ZBTB40: variants seen among roughly 807,000 people sequenced by gnomAD.
ZBTB40 encodes the protein zinc finger and BTB domain containing 40, also known as zinc finger and BTB domain-containing protein 40.
Under a neutral mutation model 117.5 loss-of-function variants are expected in ZBTB40, and 60 were observed. The observed-to-expected ratio is 0.51, with a 90% CI of 0.41 to 0.63. ZBTB40 has a LOEUF of 0.63. ZBTB40 is among the 30% of genes least tolerant of loss of function. ZBTB40 has a pLI of 0.00. For synonymous variants in ZBTB40, 525 were observed against 577.1 expected, an observed-to-expected ratio of 0.91 and a Z score of 1.29; for missense variants, 1,287 against 1,498.5, an observed-to-expected ratio of 0.86 and a Z score of 2.33.
chr1:22,443,726 A>G (rs1640758954), intron 1 of ZBTB40, among the ~76,000 whole-genome samples: 1 of 152,216 alleles, frequency 6.6e-6, no homozygotes, highest in South Asian at 2.1e-4. Flanking sequence ...TTGCAAGGCC[A>G]TTTCAAAATA....
chr1:22,444,602 A>G (rs1640768348), intron 1 of ZBTB40, among the ~76,000 whole-genome samples: 1 of 152,122 alleles, frequency 6.6e-6, no homozygotes, highest in Non-Finnish European at 1.5e-5. Context: ...ATGACCTTCT[A>G]GGAACACTTG....
At chr1:22,440,044 T>C (rs1244506353) in intron 1 of ZBTB40, among the ~76,000 whole-genome samples, 4 of 152,224 alleles carry the variant, frequency 2.6e-5, no homozygotes, top group Non-Finnish European at 5.9e-5. Context: ...TTTCACCTCC[T>C]TGGTTAATTC....
chr1:22,518,551 C>G (rs1168485118), intron 13 of ZBTB40, among the ~76,000 whole-genome samples: 2 of 152,170 alleles, frequency 1.3e-5, no homozygotes, highest in Non-Finnish European at 2.9e-5. Flanking sequence ...CCCTCCCCAC[C>G]CCTCTTCCCA....
At position 22,529,648 on chromosome 1, in the gene ZBTB40, C is replaced by G. The variant is rs1479014800; in HGVS notation, c.*3252C>G. 2 of 152,174 alleles carry G rather than the reference C, an allele frequency of 1.3e-5. No individual in the cohort carries two copies. Among genetic ancestry groups the G allele is most frequent in the Non-Finnish European group, 2.9e-5 (2 of 68,036 alleles). The allele number at this position is 152,174 out of a possible 1,614,324, so 9.4% of individuals were successfully genotyped here. A position where few individuals can be genotyped will look rare whatever the true frequency, so the allele number is the denominator to read the frequency against. ...CTCATTTATTTTATGGGTAAAGAGA[C>G]ATGAAGAGACAGCCTCTCTCTTCTG... On this transcript the variant is annotated 3_prime_UTR_variant, in exon 18 of 18. Coordinates refer to ENST00000375647, the MANE Select transcript of ZBTB40 (RefSeq NM_014870.4).
At chr1:22,460,673 T>G (rs982812884) in intron 1 of ZBTB40, among the ~76,000 whole-genome samples, 1 of 152,214 alleles carries the variant, frequency 6.6e-6, no homozygotes, top group South Asian at 2.1e-4. Context: ...TTTGAAAGGT[T>G]AAGTAACTCA....
chr1:22,508,829 C>T, intron 8 of ZBTB40, 98 bp downstream of exon 8: 1 of 1,282,260 alleles, frequency 7.8e-7, no homozygotes, highest in East Asian at 2.5e-5. Context: ...TAGTCACCTA[C>T]ATCCCTACTA....
intron 1 of ZBTB40, among the ~76,000 whole-genome samples, chr1:22,437,391 A>G (rs1156665653): frequency 6.7e-6 from 1 of 149,220 alleles, no homozygotes; most frequent in Non-Finnish European, 1.5e-5. Context: ...CGATTTTTTT[A>G]TTGTGGCAAA....
Position 22,508,687 on chromosome 1 carries a change from A to G in ZBTB40, c.1655A>G (p.Glu552Gly), listed in dbSNP as rs1360088674. 1 of 1,614,006 alleles carries G rather than the reference A, an allele frequency of 6.2e-7. No homozygotes were observed. The highest frequency in any genetic ancestry group is 1.3e-5 in the African/African-American group (1 of 74,908). Reference sequence around the variant, plus strand: ...ACCTGTCCATTGGACCTGCTCATGGAGGAAATACGAAGGGAGCCTGGTGCC... The same window carrying G: ...ACCTGTCCATTGGACCTGCTCATGGGGGAAATACGAAGGGAGCCTGGTGCC... ...TKTCPLDLLM[E>G]EIRREPGADA... The change falls in exon 8 of 18, where the codon GAG (glutamate) becomes GGG (glycine). Residue 552 changes from glutamate to glycine, a missense_variant. Transcript: ENST00000375647.
At chr1:22,466,974 G>A (rs1641271217) in intron 1 of ZBTB40, among the ~76,000 whole-genome samples, 1 of 152,006 alleles carries the variant, frequency 6.6e-6, no homozygotes, top group East Asian at 1.9e-4. Flanking sequence ...CATATAGAGA[G>A]CCTAATTTTA....
chr1:22,441,617 A>G (rs957089660), intron 1 of ZBTB40, among the ~76,000 whole-genome samples: 49 of 151,326 alleles, frequency 3.2e-4, no homozygotes, highest in Admixed American at 2.5e-3. Context: ...CAAGTAGCTG[A>G]GATTACAGGC....
At chr1:22,502,037 A>G (rs1638949818) in intron 4 of ZBTB40, among the ~76,000 whole-genome samples, 1 of 152,262 alleles carries the variant, frequency 6.6e-6, no homozygotes, top group African/African-American at 2.4e-5. Context: ...GGTACAAAGC[A>G]GTGGCCTTGC....
chr1:22,454,928 A>G (rs1166319495), intron 1 of ZBTB40, among the ~76,000 whole-genome samples: 1 of 152,260 alleles, frequency 6.6e-6, no homozygotes, highest in Non-Finnish European at 1.5e-5. Flanking sequence ...AAAATCCAGA[A>G]ATACATTACA....
At position 22,507,615 on chromosome 1, in the gene ZBTB40, G is replaced by A. The variant is rs997262942; in HGVS notation, c.1361-386G>A. On this transcript the variant is annotated intron_variant, in intron 6 of 17. Coordinates refer to ENST00000375647, the MANE Select transcript of ZBTB40 (RefSeq NM_014870.4). ...GAAAAACCACGGGTCAGCTTCACACGCACAGCCTTGATTCGTGCTCGTCTT... is the reference window on the plus strand; with the variant it reads ...GAAAAACCACGGGTCAGCTTCACACACACAGCCTTGATTCGTGCTCGTCTT... 5.9e-5 allele frequency among the ~76,000 whole-genome samples: 9 copies of A among 152,116 alleles called. 1 individual carries two copies. The highest frequency in any genetic ancestry group is 4.1e-4 in the South Asian group (2 of 4,822).
At chr1:22,452,532 ATTG>A (rs1188665044) in intron 1 of ZBTB40, 1 of 152,144 alleles carries the variant, frequency 6.6e-6, no homozygotes, top group Non-Finnish European at 1.5e-5. Flanking sequence ...GGCCCTGTTC[ATTG>A]TTGATGTATT....
At chr1:22,521,745 G>T in intron 15 of ZBTB40, 87 bp downstream of exon 15, 1 of 1,578,378 alleles carries the variant, frequency 6.3e-7, no homozygotes, top group Non-Finnish European at 8.7e-7. Context: ...ACTTCTAATA[G>T]TCTAGTGTGA....
At chr1:22,458,485 G>T (rs576436016) in intron 1 of ZBTB40, among the ~76,000 whole-genome samples, 14 of 152,262 alleles carry the variant, frequency 9.2e-5, no homozygotes, top group South Asian at 6.2e-4. Flanking sequence ...CCCTCTCCCT[G>T]GACTTCCCTG....
upstream of ZBTB40, among the ~76,000 whole-genome samples, chr1:22,447,388 A>G: frequency 6.6e-6 from 1 of 152,140 alleles, no homozygotes; most frequent in Admixed American, 6.6e-5. Flanking sequence ...GGTGAAATCA[A>G]GACTTGGTGA....
chr1:22,507,868 A>G (rs1194570630), intron 6 of ZBTB40, 133 bp from the exon 7 acceptor site: 2 of 1,352,354 alleles, frequency 1.5e-6, no homozygotes, highest in East Asian at 4.7e-5. Flanking sequence ...ATGAGGCCCC[A>G]AGCCAGGGCT....
chr1:22,491,442 A>C lies in ZBTB40; in HGVS notation c.740A>C (p.Asn247Thr). The C allele has an allele frequency of 6.2e-7, 1 of 1,614,064 alleles. No homozygotes were observed. Among genetic ancestry groups the C allele is most frequent in the Non-Finnish European group, 8.5e-7 (1 of 1,179,940 alleles). Residue 247 changes from asparagine (N) to threonine (T), a missense_variant, in exon 3 of 18, where the codon AAT (asparagine) becomes ACT (threonine). Physicochemically the swap from Asn to Thr is moderately conservative, Grantham distance 65 (BLOSUM62 0). Coordinates refer to ENST00000375647, the MANE Select transcript of ZBTB40 (RefSeq NM_014870.4). ...TACCAGCTGAATTTTCTTCTAGAAA[A>C]TGAAGGTGTCTTCTCAGATGCACTC... The part of the protein sequence containing the change: ...KHYQLNFLLE[N>T]EGVFSDALMV...
Sources: gnomAD v4.1 joint callset for allele counts (sites outside exome capture counted in the v4.1 genomes callset) on GRCh38, gnomAD v4.1.1 for gene constraint, MANE v1.5 for transcripts, NCBI Gene and HGNC (gene_info 2026-07-23, HGNC 2026-07-21) for gene names.